The following DLG2 variants were observed in gnomAD, a reference collection of about 807,000 sequenced individuals.
DLG2 encodes the protein disks large homolog 2.
Under a neutral mutation model 132.5 loss-of-function variants are expected in DLG2, and 45 were observed. The ratio of observed to expected loss-of-function variants is 0.34; its 90% CI spans 0.27 to 0.44. The LOEUF is 0.44. Ranked by LOEUF, DLG2 falls within the 20% of genes least tolerant of loss-of-function variation. DLG2 has a pLI of 1.00. For synonymous variants in DLG2, 424 were observed against 419.6 expected (o/e 1.01, Z -0.13); for missense variants, 1,045 against 1,196.9 (o/e 0.87, Z 1.87).
chr11:85,294,360 A>G (rs962280280), intron 3 of DLG2, among the ~76,000 whole-genome samples: 1 of 152,004 alleles, frequency 6.6e-6, no homozygotes, highest in Admixed American at 6.6e-5. Flanking sequence ...AAAAAAAAAA[A>G]TCTACAGGAA....
At chr11:83,670,822 A>G (rs1054516125) in intron 18 of DLG2, among the ~76,000 whole-genome samples, 1 of 152,160 alleles carries the variant, frequency 6.6e-6, no homozygotes, top group African/African-American at 2.4e-5. Context: ...GAATCTAAGT[A>G]AATTGATATT....
At chr11:83,591,746 T>C (rs923893537) in intron 19 of DLG2, among the ~76,000 whole-genome samples, 36 of 152,212 alleles carry the variant, frequency 2.4e-4, no homozygotes, top group Non-Finnish European at 3.5e-4. Flanking sequence ...GAAAACTCCA[T>C]TGTCTCAGCC....
intron 6 of DLG2, among the ~76,000 whole-genome samples, chr11:84,861,952 C>G (rs1041388114): frequency 6.8e-6 from 1 of 147,324 alleles, no homozygotes; most frequent in African/African-American, 2.5e-5. Context: ...AACCAAACAC[C>G]GCATATTCTC....
chr11:85,156,436 GAGA>G (rs1163117126), intron 4 of DLG2, among the ~76,000 whole-genome samples: 2 of 152,186 alleles, frequency 1.3e-5, no homozygotes, highest in East Asian at 3.8e-4. Context: ...TGAACAAACT[GAGA>G]AGATGTGTCA....
chr11:83,912,396 A>T (rs1214032020), intron 15 of DLG2, among the ~76,000 whole-genome samples: 1 of 152,104 alleles, frequency 6.6e-6, no homozygotes, highest in Non-Finnish European at 1.5e-5. Context: ...CACAGCCAAA[A>T]CTAATCAGAT....
intron 7 of DLG2, among the ~76,000 whole-genome samples, chr11:84,449,773 T>C (rs1270801393): frequency 6.6e-6 from 1 of 151,834 alleles, no homozygotes; most frequent in Non-Finnish European, 1.5e-5. Flanking sequence ...GGGAACTTAT[T>C]GCCATCCGAA....
intron 3 of DLG2, among the ~76,000 whole-genome samples, chr11:85,315,620 C>A (rs903978220): frequency 2.6e-5 from 4 of 151,990 alleles, no homozygotes; most frequent in Non-Finnish European, 5.9e-5. Context: ...TCAGGACACA[C>A]CAAAGATGTT....
At chr11:84,408,591 T>A (rs1341864940) in intron 7 of DLG2, among the ~76,000 whole-genome samples, 1 of 152,052 alleles carries the variant, frequency 6.6e-6, no homozygotes, top group Non-Finnish European at 1.5e-5. Context: ...TAATTCAAGG[T>A]AGAAATTATA....
rs60890814 is a variant in DLG2, at chr11:83,499,852, GATATATATATATATATATATATATATAT to G, written c.2194-15652_2194-15625del. 1.8e-4 allele frequency among the ~76,000 whole-genome samples: 11 copies of G among 61,646 alleles called. No homozygotes were observed. The South Asian group carries it at 3.9e-3, about 22-fold the overall frequency. The allele number at this position is 61,646 out of a possible 152,430, so 40.4% of individuals were successfully genotyped here. On this transcript the variant is annotated intron_variant, in intron 21 of 27. Transcript: ENST00000376104. ...ATATATATTTCCTCCACTAATAGGAGATATATATATATATATATATATATATATATATATATATATATATATCAGTTCT... is the reference window on the plus strand; with the variant it reads ...ATATATATTTCCTCCACTAATAGGAGATATATATATATATATATCAGTTCT...
At chr11:84,734,545 G>T (rs185697524) in intron 6 of DLG2, among the ~76,000 whole-genome samples, 1 of 152,214 alleles carries the variant, frequency 6.6e-6, no homozygotes, top group African/African-American at 2.4e-5. Flanking sequence ...GGGCTGAGAC[G>T]ATGGGGTTTT....
rs1229302154 is a variant in DLG2, at chr11:84,037,138, ATCT to A, written c.919+22174_919+22176del. ...TAACAGGTAATATACCTAAAAGATT[ATCT>A]TTTATTAGTGAATGCAAATGTGGAG... is the stretch of plus-strand genomic sequence containing the variant. On this transcript the variant is annotated intron_variant, in intron 11 of 27. Coordinates refer to ENST00000376104, the MANE Select transcript of DLG2 (RefSeq NM_001142699.3). 2.0e-5 allele frequency among the ~76,000 whole-genome samples: 3 copies of A among 152,294 alleles called. No individual in the cohort carries two copies. The East Asian group carries it at 5.8e-4, about 29-fold the overall frequency.
intron 5 of DLG2, among the ~76,000 whole-genome samples, chr11:85,134,786 G>T (rs1279544072): frequency 6.6e-6 from 1 of 151,908 alleles, no homozygotes; most frequent in Non-Finnish European, 1.5e-5. Flanking sequence ...AAAAAAAGAA[G>T]AAAAGACAAG....
intron 18 of DLG2, among the ~76,000 whole-genome samples, chr11:83,703,752 G>C (rs1025542261): frequency 1.3e-5 from 2 of 152,150 alleles, no homozygotes; most frequent in African/African-American, 4.8e-5. Context: ...AGCTCTGAAA[G>C]ATCATATAAA....
intron 5 of DLG2, among the ~76,000 whole-genome samples, chr11:85,127,246 C>T (rs1157671308): frequency 7.5e-6 from 1 of 132,858 alleles, no homozygotes; most frequent in Non-Finnish European, 1.6e-5. Flanking sequence ...CCCCCCGCCC[C>T]CCACCCACTC....
intron 11 of DLG2, among the ~76,000 whole-genome samples, chr11:83,993,863 A>T (rs1219345530): frequency 6.6e-6 from 1 of 152,160 alleles, no homozygotes; most frequent in Non-Finnish European, 1.5e-5. Context: ...AGTTACATAG[A>T]TTATTTAAAA....
chr11:84,138,987 G>T (rs1231184696), intron 9 of DLG2, among the ~76,000 whole-genome samples: 2 of 150,248 alleles, frequency 1.3e-5, no homozygotes, highest in Admixed American at 1.3e-4. Flanking sequence ...TTAACAACTG[G>T]CCAATGGAAA....
chr11:85,354,941 A>G (rs1365411674), intron 3 of DLG2, among the ~76,000 whole-genome samples: 1 of 152,134 alleles, frequency 6.6e-6, no homozygotes, highest in East Asian at 1.9e-4. Flanking sequence ...AACAGATAAC[A>G]TTTCTTGCCA....
intron 3 of DLG2, among the ~76,000 whole-genome samples, chr11:85,566,132 T>G (rs180839927): frequency 1.4e-4 from 21 of 152,336 alleles, no homozygotes; most frequent in African/African-American, 4.8e-4. Context: ...ATGTGCCTAT[T>G]GGTCATTTGT....
chr11:84,762,398 A>G (rs866475849), intron 6 of DLG2, among the ~76,000 whole-genome samples: 2 of 152,228 alleles, frequency 1.3e-5, no homozygotes, highest in African/African-American at 2.4e-5. Flanking sequence ...ATCTGTGTAC[A>G]GTAGTTGTTG....
Sources: gnomAD v4.1 joint callset for allele counts (sites outside exome capture counted in the v4.1 genomes callset) on GRCh38, gnomAD v4.1.1 for gene constraint, MANE v1.5 for transcripts, NCBI Gene and HGNC (gene_info 2026-07-23, HGNC 2026-07-21) for gene names.